Variants in ANO3 observed in about 807,000 individuals in gnomAD.
The protein encoded by ANO3 is anoctamin-3.
ANO3 carries 99 observed loss-of-function variants against 144.8 expected under a neutral mutation model. That is an observed-to-expected ratio of 0.68 (90% CI 0.58 to 0.81). The LOEUF (loss-of-function observed/expected upper bound fraction) is 0.81. Among genes scored for constraint, ANO3 ranks in the 30% least tolerant of loss-of-function variants. The pLI, the probability that ANO3 is intolerant of heterozygous loss-of-function variation, is 0.00. For synonymous variants in ANO3, 414 were observed against 392.6 expected, an observed-to-expected ratio of 1.05 and a Z score of -0.64; for missense variants, 905 against 1,202.2, an observed-to-expected ratio of 0.75 and a Z score of 3.66.
At chr11:26,289,287 C>T (rs11029484) in intron 1 of ANO3, among the ~76,000 whole-genome samples, 37,922 of 151,520 alleles carry the variant, frequency 0.25, 6,781 homozygotes, top group African/African-American at 0.51. Flanking sequence ...TATTAAGCAA[C>T]TAACTTCATT....
chr11:26,566,966 C>T (rs1850613311), intron 14 of ANO3: 6 of 1,191,640 alleles, frequency 5.0e-6, no homozygotes, highest in African/African-American at 1.6e-5. Flanking sequence ...TAGATGCTAA[C>T]CTCCATTTAA....
At chr11:26,383,980 C>T (rs1856657038) in intron 1 of ANO3, among the ~76,000 whole-genome samples, 1 of 132,420 alleles carries the variant, frequency 7.6e-6, no homozygotes, top group South Asian at 2.6e-4. Flanking sequence ...TCACTGCAAC[C>T]TCCGCTTCTC....
intron 1 of ANO3, among the ~76,000 whole-genome samples, chr11:26,350,852 C>T (rs999919231): frequency 1.3e-5 from 2 of 151,994 alleles, no homozygotes; most frequent in Non-Finnish European, 2.9e-5. Context: ...TAAATTTAGC[C>T]TTATATTTCT....
chr11:26,599,858 C>A, intron 17 of ANO3, 144 bp downstream of exon 17: 1 of 680,028 alleles, frequency 1.5e-6, no homozygotes, highest in South Asian at 2.6e-5. Context: ...TTCAGTTTAA[C>A]AGAAAAGATT....
At chr11:26,422,250 A>C (rs1290098348) in intron 1 of ANO3, among the ~76,000 whole-genome samples, 1 of 152,022 alleles carries the variant, frequency 6.6e-6, no homozygotes, top group Non-Finnish European at 1.5e-5. Context: ...TCAACCAGTT[A>C]TTATTTACTT....
At chr11:26,356,376 T>G (rs1855784159) in intron 1 of ANO3, among the ~76,000 whole-genome samples, 1 of 152,216 alleles carries the variant, frequency 6.6e-6, no homozygotes, top group Admixed American at 6.5e-5. Flanking sequence ...AGTTTCTTTA[T>G]GTACCTTTAT....
At chr11:26,438,945 G>A (rs1370245431) in intron 1 of ANO3, among the ~76,000 whole-genome samples, 2 of 152,196 alleles carry the variant, frequency 1.3e-5, no homozygotes, top group Non-Finnish European at 2.9e-5. Context: ...TTACTGCGAA[G>A]CTACAATGCT....
chr11:26,232,512 G>A (rs1852423398), intron 1 of ANO3, among the ~76,000 whole-genome samples: 2 of 152,138 alleles, frequency 1.3e-5, no homozygotes, highest in Admixed American at 1.3e-4. Context: ...CAGTTTAATG[G>A]ACAAAAGCAA....
intron 7 of ANO3, among the ~76,000 whole-genome samples, chr11:26,530,396 T>A: frequency 7.5e-6 from 1 of 133,828 alleles, no homozygotes; most frequent in Non-Finnish European, 1.6e-5. Flanking sequence ...TCCACTTTTC[T>A]AGAGCCACAA....
chr11:26,204,136 ACCC>A (rs979787940), intron 1 of ANO3, among the ~76,000 whole-genome samples: 1 of 151,692 alleles, frequency 6.6e-6, no homozygotes, highest in East Asian at 1.9e-4. Flanking sequence ...AAACCTCTAC[ACCC>A]CCTCTGGGGA....
intron 14 of ANO3, among the ~76,000 whole-genome samples, chr11:26,595,343 G>A (rs1303700834): frequency 1.3e-5 from 2 of 151,486 alleles, no homozygotes; most frequent in African/African-American, 4.9e-5. Context: ...GGATTCCTGA[G>A]TACTTCAAAC....
chr11:26,591,515 C>T (rs1207724245), intron 14 of ANO3, among the ~76,000 whole-genome samples: 1 of 152,136 alleles, frequency 6.6e-6, no homozygotes, highest in Non-Finnish European at 1.5e-5. Flanking sequence ...AATGTATGGC[C>T]TGAAGTGCAG....
At chr11:26,454,524 A>C (rs927908496) in intron 3 of ANO3, among the ~76,000 whole-genome samples, 16 of 152,270 alleles carry the variant, frequency 1.1e-4, no homozygotes, top group Admixed American at 7.2e-4. Flanking sequence ...AAGACTAAAC[A>C]AGGAAGAAGT....
At chr11:26,380,103 A>G (rs1047510989) in intron 1 of ANO3, among the ~76,000 whole-genome samples, 9 of 152,064 alleles carry the variant, frequency 5.9e-5, no homozygotes, top group African/African-American at 1.4e-4. Flanking sequence ...CTTTTCTCCT[A>G]TCTCAGTTCT....
At chr11:26,200,070 A>T (rs192059277) in intron 1 of ANO3, among the ~76,000 whole-genome samples, 3 of 152,100 alleles carry the variant, frequency 2.0e-5, no homozygotes, top group African/African-American at 7.2e-5. Flanking sequence ...AACTTGACGC[A>T]GTCATGAGGA....
At chr11:26,416,090 G>T (rs1490922649) in intron 1 of ANO3, among the ~76,000 whole-genome samples, 1 of 151,966 alleles carries the variant, frequency 6.6e-6, no homozygotes, top group African/African-American at 2.4e-5. Context: ...AAGAGGCCTT[G>T]CTTTAGAAAA....
At chr11:26,400,157 G>A (rs950101706) in intron 1 of ANO3, among the ~76,000 whole-genome samples, 2 of 151,908 alleles carry the variant, frequency 1.3e-5, no homozygotes, top group African/African-American at 4.8e-5. Flanking sequence ...CTGTTGATCT[G>A]GAGCATTAAC....
intron 1 of ANO3, among the ~76,000 whole-genome samples, chr11:26,270,690 C>A (rs995721056): frequency 6.6e-6 from 1 of 152,128 alleles, no homozygotes; most frequent in Non-Finnish European, 1.5e-5. Flanking sequence ...TAAGAATAAG[C>A]TACATCTGAA....
Position 26,386,138 on chromosome 11 carries a change from G to T in ANO3, c.46+53817G>T, listed in dbSNP as rs1443729550. 3.3e-5 allele frequency among the ~76,000 whole-genome samples: 5 copies of T among 152,176 alleles called. No homozygotes were observed. The East Asian group carries it at 9.7e-4, about 29-fold the overall frequency. On this transcript the variant is annotated intron_variant, in intron 1 of 26. Coordinates refer to ENST00000256737, the MANE Select transcript of ANO3 (RefSeq NM_031418.4). ...GATAACTCTTTGTGCTACGAAGTGA[G>T]AATATATTCAGAGAATGTGGTGACA...
Sources: gnomAD v4.1 joint callset for allele counts (sites outside exome capture counted in the v4.1 genomes callset) on GRCh38, gnomAD v4.1.1 for gene constraint, MANE v1.5 for transcripts, NCBI Gene and HGNC (gene_info 2026-07-23, HGNC 2026-07-21) for gene names.